The following LRRC1 variants were observed in gnomAD, a reference collection of about 807,000 sequenced individuals.
LRRC1 encodes leucine rich repeat containing 1.
LRRC1 carries 28 observed loss-of-function variants against 69.9 expected under a neutral mutation model. The observed-to-expected ratio is 0.40, with a 90% CI of 0.30 to 0.55. LRRC1 has a LOEUF of 0.55. Ranked by LOEUF, LRRC1 falls within the 20% of genes least tolerant of loss-of-function variation. The probability of loss-of-function intolerance (pLI) is 0.47; values close to 1 mark genes in which losing one functional copy is unlikely to be tolerated. For synonymous variants in LRRC1, 236 were observed against 240.2 expected (o/e 0.98, Z 0.16); for missense variants, 498 against 609.0 (o/e 0.82, Z 1.92).
chr6:53,823,232 A>G (rs888781989), intron 1 of LRRC1, among the ~76,000 whole-genome samples: 7 of 152,184 alleles, frequency 4.6e-5, no homozygotes, highest in Non-Finnish European at 5.9e-5. Context: ...TATGGACCAT[A>G]TTGATAGGAA....
intron 2 of LRRC1, among the ~76,000 whole-genome samples, chr6:53,870,998 A>C (rs761554876): frequency 2.6e-5 from 4 of 152,218 alleles, no homozygotes; most frequent in Non-Finnish European, 5.9e-5. Flanking sequence ...TGAATAGTAC[A>C]TTGTGTGAAA....
intron 2 of LRRC1, among the ~76,000 whole-genome samples, chr6:53,874,207 G>C (rs368957968): frequency 2.6e-5 from 4 of 152,094 alleles, no homozygotes; most frequent in African/African-American, 9.7e-5. Flanking sequence ...TGTCCATTTT[G>C]TATAATGAAA....
chr6:53,801,575 T>C (rs906859178), intron 1 of LRRC1, among the ~76,000 whole-genome samples: 1 of 152,192 alleles, frequency 6.6e-6, no homozygotes, highest in Non-Finnish European at 1.5e-5. Context: ...CCTGTTACTA[T>C]CACACAATTT....
chr6:53,869,574 A>T (rs1014564530), intron 2 of LRRC1, among the ~76,000 whole-genome samples: 1 of 152,194 alleles, frequency 6.6e-6, no homozygotes, highest in Non-Finnish European at 1.5e-5. Flanking sequence ...CAATGTTCTG[A>T]TACAGTCTTT....
At chr6:53,891,830 A>G (rs4715431) in intron 4 of LRRC1, among the ~76,000 whole-genome samples, 84,454 of 151,386 alleles carry the variant, frequency 0.56, 25,031 homozygotes, top group East Asian at 0.9. Context: ...CATCTCTACT[A>G]CAAATACAAA....
At chr6:53,895,709 A>G (rs1315947422) in intron 4 of LRRC1, among the ~76,000 whole-genome samples, 1 of 152,212 alleles carries the variant, frequency 6.6e-6, no homozygotes, top group Non-Finnish European at 1.5e-5. Flanking sequence ...GTGATGCAGA[A>G]TTGCCACTGC....
chr6:53,822,259 G>A (rs1765138472), intron 1 of LRRC1, among the ~76,000 whole-genome samples: 1 of 152,088 alleles, frequency 6.6e-6, no homozygotes, highest in Non-Finnish European at 1.5e-5. Context: ...GAAAGACCAA[G>A]GAACATGGTT....
chr6:53,881,967 T>C (rs1767305083), intron 3 of LRRC1, among the ~76,000 whole-genome samples: 1 of 152,210 alleles, frequency 6.6e-6, no homozygotes, highest in South Asian at 2.1e-4. Flanking sequence ...TTAAGGGACA[T>C]ATAAAAAATA....
intron 10 of LRRC1, among the ~76,000 whole-genome samples, chr6:53,911,242 T>C (rs1370283219): frequency 6.6e-6 from 1 of 152,274 alleles, no homozygotes; most frequent in East Asian, 1.9e-4. Context: ...CATTGAAGTT[T>C]ACACAATATG....
intron 2 of LRRC1, among the ~76,000 whole-genome samples, chr6:53,864,434 C>A (rs1766629681): frequency 6.6e-6 from 1 of 152,160 alleles, no homozygotes; most frequent in South Asian, 2.1e-4. Context: ...TTGACTCCTG[C>A]AATGTATCTG....
intron 1 of LRRC1, among the ~76,000 whole-genome samples, chr6:53,806,670 C>T (rs796976806): frequency 1.8e-4 from 27 of 152,248 alleles, no homozygotes; most frequent in African/African-American, 6.3e-4. Context: ...CAGTTGGGCA[C>T]ATACTCTGTG....
intron 1 of LRRC1, among the ~76,000 whole-genome samples, chr6:53,837,242 G>A (rs981407649): frequency 1.9e-4 from 29 of 151,590 alleles, no homozygotes; most frequent in African/African-American, 6.1e-4. Context: ...TCTATACCTA[G>A]TAGTATAACT....
chr6:53,890,904 T>A (rs954023935), intron 4 of LRRC1, among the ~76,000 whole-genome samples: 6 of 152,230 alleles, frequency 3.9e-5, no homozygotes, highest in African/African-American at 1.4e-4. Context: ...TGTGTTTTAC[T>A]CTTTATTTTC....
intron 1 of LRRC1, among the ~76,000 whole-genome samples, chr6:53,834,836 C>G (rs78016467): frequency 0.017 from 2,540 of 152,232 alleles, 77 homozygotes; most frequent in African/African-American, 0.059. Flanking sequence ...GTGGCACACA[C>G]CGGTAGTCCC....
intron 1 of LRRC1, among the ~76,000 whole-genome samples, chr6:53,801,746 T>G (rs573121284): frequency 1.3e-5 from 2 of 152,168 alleles, no homozygotes; most frequent in Non-Finnish European, 2.9e-5. Context: ...AGTGAGTATC[T>G]GTGACATATT....
intron 10 of LRRC1, among the ~76,000 whole-genome samples, chr6:53,906,155 T>C (rs986479939): frequency 6.6e-6 from 1 of 152,218 alleles, no homozygotes; most frequent in Non-Finnish European, 1.5e-5. Flanking sequence ...CATGATAATT[T>C]CTTCATTTTA....
intron 2 of LRRC1, among the ~76,000 whole-genome samples, chr6:53,877,403 T>G (rs1243066400): frequency 1.3e-5 from 2 of 152,180 alleles, no homozygotes; most frequent in Non-Finnish European, 2.9e-5. Context: ...ACATTCAGCT[T>G]CTCGTTACTT....
chr6:53,903,965 C>T (rs1017681891), intron 9 of LRRC1, among the ~76,000 whole-genome samples: 2 of 152,212 alleles, frequency 1.3e-5, no homozygotes, highest in African/African-American at 2.4e-5. Flanking sequence ...CATGCGGCAC[C>T]CTGCTTCGGG....
chr6:53,856,987 G>T (rs2127421602), intron 2 of LRRC1, among the ~76,000 whole-genome samples: 1 of 152,304 alleles, frequency 6.6e-6, no homozygotes, highest in African/African-American at 2.4e-5. Context: ...CAGGTAAGAT[G>T]GGAGAGGCTG....
Sources: allele counts gnomAD v4.1 joint callset (sites outside exome capture counted in the v4.1 genomes callset), GRCh38; gene constraint gnomAD v4.1.1; transcripts MANE v1.5; gene names NCBI Gene and HGNC (gene_info 2026-07-23, HGNC 2026-07-21).